The following PSG4 variants were observed in gnomAD, a reference collection of about 807,000 sequenced individuals.
PSG4 encodes pregnancy-specific beta-1-glycoprotein 4.
A neutral mutation model predicts 44.3 loss-of-function variants in PSG4; 61 were observed. That is an observed-to-expected ratio of 1.38 (90% CI 1.12 to 1.70). PSG4 has a LOEUF of 1.70. Ranked by LOEUF, PSG4 falls within the 40% of genes most tolerant of loss-of-function variation. The pLI, the probability that PSG4 is intolerant of heterozygous loss-of-function variation, is 0.00. For synonymous variants in PSG4, 248 were observed against 191.3 expected (o/e 1.30, Z -2.45); for missense variants, 677 against 511.7 (o/e 1.32, Z -3.12).
At chr19:43,202,990 C>T (rs558227513) in intron 2 of PSG4, 2 of 145,928 alleles carry the variant, frequency 1.4e-5, no homozygotes, top group African/African-American at 5.3e-5. Context: ...TCCTGTGCCT[C>T]AGTTTTCTCT....
At position 43,205,573 on chromosome 19, in the gene PSG4, A is replaced by G. The variant is rs61995939; in HGVS notation, c.-37T>C. On this transcript the variant is annotated 5_prime_UTR_variant, in exon 1 of 6. Coordinates refer to ENST00000405312, the MANE Select transcript of PSG4 (RefSeq NM_002780.5). ...CTTGTGTGTTCTCCTCTGTGGAGATAAGCCTAGGATCCAGAAGCTTCCTGA... is the reference window on the plus strand; with the variant it reads ...CTTGTGTGTTCTCCTCTGTGGAGATGAGCCTAGGATCCAGAAGCTTCCTGA... 0.06 allele frequency: 90,633 copies of G among 1,516,078 alleles called. 9,040 individuals are homozygous for G. The highest frequency in any genetic ancestry group is 0.066 in the Non-Finnish European group (74,063 of 1,126,306). The allele number at this position is 1,516,078 out of a possible 1,614,324, so 93.9% of individuals were successfully genotyped here.
chr19:43,200,280 A>T (rs570362667), intron 2 of PSG4, among the ~76,000 whole-genome samples: 1 of 145,110 alleles, frequency 6.9e-6, no homozygotes, highest in East Asian at 2.4e-4. Context: ...CAGTAAAACC[A>T]TCAGATAGCA....
Position 43,205,479 on chromosome 19 carries a change from G to C in PSG4, c.58C>G (p.Leu20Val), listed in dbSNP as rs374850104. Residue 20 changes from leucine (L) to valine (V), a missense_variant, in exon 1 of 6, where the codon CTC becomes GTC. Coordinates refer to ENST00000405312, the MANE Select transcript of PSG4 (RefSeq NM_002780.5). ...TQRITWKGVL[L>V]TASLLNFWNP... is the part of the protein sequence containing the mutation. ...CAGGAAGTTCTCTCCTCACCTGTGA[G>C]CAGGACCCCCTTCCAGGTGATGCGC... The C allele has an allele frequency of 7.1e-6, 11 of 1,547,676 alleles. No individual in the cohort carries two copies. The highest frequency in any genetic ancestry group is 3.0e-5 in the East Asian group (1 of 33,810).
chr19:43,202,144 G>A (rs545850641), intron 2 of PSG4, among the ~76,000 whole-genome samples: 12 of 146,304 alleles, frequency 8.2e-5, no homozygotes, highest in Admixed American at 1.4e-4. Flanking sequence ...GAAGGCCTAG[G>A]GGTGGGGGAA....
At position 43,194,369 on chromosome 19, in the gene PSG4, C is replaced by A. The variant is rs562200929; in HGVS notation, c.1214G>T (p.Ser405Ile). Reference protein sequence around the residue: ...SVRNSATGKESSKSITVKVSD... With the variant: ...SVRNSATGKEISKSITVKVSD... ...GACTTTGACTGTGATGGATTTGGAG[C>A]TTTCCTTGCCAGTGGCTGAGTTACG... Residue 405 changes from serine (S) to isoleucine (I), a missense_variant, in exon 5 of 6, where the codon AGC becomes ATC. Physicochemically the swap from Ser to Ile is moderately radical, Grantham distance 142. Coordinates refer to ENST00000405312, the MANE Select transcript of PSG4 (RefSeq NM_002780.5). 7.4e-6 allele frequency: 12 copies of A among 1,612,436 alleles called. No homozygotes were observed. The highest frequency in any genetic ancestry group is 6.6e-5 in the South Asian group (6 of 91,038).
intron 2 of PSG4, among the ~76,000 whole-genome samples, chr19:43,202,296 C>T (rs1967550779): frequency 1.4e-5 from 2 of 143,682 alleles, no homozygotes; most frequent in Admixed American, 1.4e-4. Context: ...GACCAGGTGC[C>T]CCAGTTCCAC....
chr19:43,204,082 G>A lies in PSG4; in HGVS notation c.234C>T (p.Tyr78=), dbSNP rs183355892. 2 of 1,586,146 alleles carry A rather than the reference G, an allele frequency of 1.3e-6. 1 individual carries two copies. Among genetic ancestry groups the A allele is most frequent in the East Asian group, 5.3e-5 (2 of 37,504 alleles). ...GACCGTCTACTACATATGATGTAAT[G>A]TAATGGTAGAGGTATGTCATTTGCC... ...YKGQMTYLYH[Y]ITSYVVDGQR... The change falls in exon 2 of 6, where the codon TAC becomes TAT. Residue 78 remains tyrosine, a synonymous_variant. Coordinates refer to ENST00000405312, the MANE Select transcript of PSG4 (RefSeq NM_002780.5).
At chr19:43,204,429 G>A in intron 1 of PSG4, 178 bp from the exon 2 acceptor site, 7 of 891,504 alleles carry the variant, frequency 7.9e-6, no homozygotes, top group Non-Finnish European at 1.1e-5. Flanking sequence ...GTCCCACTAG[G>A]TCAAGATCAG....
chr19:43,200,238 C>T lies in PSG4; in HGVS notation c.431-1963G>A, dbSNP rs931722764. Among the ~76,000 whole-genome samples the T allele has an allele frequency of 2.8e-5, 4 of 144,740 alleles. 1 individual carries two copies. The highest frequency in any genetic ancestry group is 2.1e-4 in the Admixed American group (3 of 14,576). The allele number at this position is 144,740 out of a possible 152,430, so 95.0% of individuals were successfully genotyped here. A position where few individuals can be genotyped will look rare whatever the true frequency, so the allele number is the denominator to read the frequency against. ...GAAATCCAACTTATGAAAATGGCAT[C>T]ATCATGAGGAAACAGTTGTATGTGG... is the stretch of plus-strand genomic sequence containing the variant. On this transcript the variant is annotated intron_variant, in intron 2 of 5. Transcript: ENST00000405312.
chr19:43,205,548 C>T lies in PSG4; in HGVS notation c.-12G>A, dbSNP rs535877585. The T allele has an allele frequency of 2.6e-5, 40 of 1,544,144 alleles. 3 individuals are homozygous for T. Among genetic ancestry groups the T allele is most frequent in the East Asian group, 1.8e-4 (6 of 33,224 alleles). On this transcript the variant is annotated 5_prime_UTR_variant, in exon 1 of 6. Coordinates refer to ENST00000405312, the MANE Select transcript of PSG4 (RefSeq NM_002780.5). ...GAGAGGGGCCCCATGGTCTCTGCTGCTTGTGTGTTCTCCTCTGTGGAGATA... is the reference window on the plus strand; with the variant it reads ...GAGAGGGGCCCCATGGTCTCTGCTGTTTGTGTGTTCTCCTCTGTGGAGATA...
rs146130390 is a variant in PSG4, at chr19:43,198,170, T to C, written c.536A>G (p.Gln179Arg). The C allele has an allele frequency of 6.3e-7, 1 of 1,587,938 alleles. No individual in the cohort carries two copies. The highest frequency in any genetic ancestry group is 8.5e-7 in the Non-Finnish European group (1 of 1,171,934). ...GAGGCTCTGACCATTCATCCACCACTGGTAGCTTGCGGCTGGAGTCGCAGG... is the reference window on the plus strand; with the variant it reads ...GAGGCTCTGACCATTCATCCACCACCGGTAGCTTGCGGCTGGAGTCGCAGG... ...CDPATPAASY[Q>R]WWMNGQSLPM... The change falls in exon 3 of 6, where the codon CAG becomes CGG. Residue 179 changes from glutamine to arginine, a missense_variant. Physicochemically the swap from Gln to Arg is conservative, Grantham distance 43. Coordinates refer to ENST00000405312, the MANE Select transcript of PSG4 (RefSeq NM_002780.5).
At position 43,193,500 on chromosome 19, in the gene PSG4, T is replaced by A. The variant is rs1241679078; in HGVS notation, c.1244-112A>T. 11 of 731,672 alleles carry A rather than the reference T, an allele frequency of 1.5e-5. 1 individual carries two copies. In the African/African-American group the frequency reaches 1.6e-4, roughly 10 times the overall value. The allele number at this position is 731,672 out of a possible 1,614,324, so 45.3% of individuals were successfully genotyped here. On this transcript the variant is annotated intron_variant, in intron 5 of 5. Transcript: ENST00000405312. ...TTTTTCTCTCTATGGGCATCTCTAG[T>A]TTTACCAATGATAATTTCAGTAGAA...
At chr19:43,199,265 A>C (rs7248767) in intron 2 of PSG4, among the ~76,000 whole-genome samples, 91,935 of 143,290 alleles carry the variant, frequency 0.64, 33,016 homozygotes, top group East Asian at 0.89. Flanking sequence ...TACCTCATAT[A>C]AGTGGATTCC....
intron 3 of PSG4, chr19:43,196,721 G>T (rs1473771769): frequency 1.1e-4 from 16 of 151,306 alleles, no homozygotes; most frequent in Admixed American, 9.9e-4. Context: ...TTAAAGCTTT[G>T]GGATGTGAGA....
At chr19:43,201,898 C>T (rs1185169113) in intron 2 of PSG4, among the ~76,000 whole-genome samples, 3 of 143,982 alleles carry the variant, frequency 2.1e-5, no homozygotes, top group Non-Finnish European at 3.0e-5. Flanking sequence ...ACTGCCTATC[C>T]CTGTCCCATT....
chr19:43,193,204 G>A lies in PSG4; in HGVS notation c.*168C>T. 1.3e-6 allele frequency: 1 copy of A among 760,130 alleles called. No homozygotes were observed. 47.1% of individuals were successfully genotyped at this position (760,130 alleles called of 1,614,324 possible). A position where few individuals can be genotyped will look rare whatever the true frequency, so the allele number is the denominator to read the frequency against. On this transcript the variant is annotated 3_prime_UTR_variant, in exon 6 of 6. Transcript: ENST00000405312. ...CAGTTTGAGTAGCTGTTGTTATGGT[G>A]TCGAACATTTTGGTGAGTTCTGAGT... is the stretch of plus-strand genomic sequence containing the variant.
chr19:43,195,926 G>A lies in PSG4; in HGVS notation c.710-653C>T, dbSNP rs1002986512. On this transcript the variant is annotated intron_variant, in intron 3 of 5. Coordinates refer to ENST00000405312, the MANE Select transcript of PSG4 (RefSeq NM_002780.5). The stretch of plus-strand genomic sequence containing the variant: ...ACCAGTGACCTCTAAAGATAGAGCA[G>A]AGTGCAAGGAATGATCTAGAAGGAG... Among the ~76,000 whole-genome samples, 3 of 150,486 alleles carry A rather than the reference G, an allele frequency of 2.0e-5. No individual in the cohort carries two copies. In the Admixed American group the frequency reaches 2.0e-4, roughly 10 times the overall value.
intron 2 of PSG4, among the ~76,000 whole-genome samples, chr19:43,200,679 C>A (rs1169886525): frequency 1.4e-5 from 2 of 145,368 alleles, no homozygotes; most frequent in Non-Finnish European, 1.5e-5. Context: ...GGGTTCATGC[C>A]ATTCTCCTGC....
intron 3 of PSG4, among the ~76,000 whole-genome samples, chr19:43,197,433 G>T (rs1662202693): frequency 6.9e-6 from 1 of 145,366 alleles, no homozygotes; most frequent in Non-Finnish European, 1.5e-5. Context: ...ATGTTTTAGT[G>T]ATTTGGGGGA....
Sources: gnomAD v4.1 joint callset for allele counts (sites outside exome capture counted in the v4.1 genomes callset) on GRCh38, gnomAD v4.1.1 for gene constraint, MANE v1.5 for transcripts, NCBI Gene and HGNC (gene_info 2026-07-23, HGNC 2026-07-21) for gene names.